KCNIP4: variants seen among roughly 807,000 people sequenced by gnomAD.
KCNIP4 encodes Kv channel-interacting protein 4.
Under a neutral mutation model 34.0 loss-of-function variants are expected in KCNIP4, and 12 were observed. The observed-to-expected ratio is 0.35, with a 90% CI of 0.23 to 0.57. The LOEUF (loss-of-function observed/expected upper bound fraction) is 0.57. Ranked by LOEUF, KCNIP4 falls within the 20% of genes least tolerant of loss-of-function variation. The probability of loss-of-function intolerance (pLI) is 0.83; values close to 1 mark genes in which losing one functional copy is unlikely to be tolerated. For synonymous variants in KCNIP4, 124 were observed against 102.2 expected (o/e 1.21, Z -1.29); for missense variants, 238 against 311.7 (o/e 0.76, Z 1.78).
At chr4:20,926,751 G>A (rs1447593685) in intron 1 of KCNIP4, among the ~76,000 whole-genome samples, 3 of 152,116 alleles carry the variant, frequency 2.0e-5, no homozygotes, top group Non-Finnish European at 4.4e-5. Context: ...CCAACATACT[G>A]AACTGCCTGG....
chr4:21,679,325 C>A (rs1750159357), intron 1 of KCNIP4, among the ~76,000 whole-genome samples: 1 of 152,148 alleles, frequency 6.6e-6, no homozygotes, highest in South Asian at 2.1e-4. Context: ...TTATCTGACT[C>A]CCCACTACAT....
rs190950019 is a variant in KCNIP4, at chr4:21,417,317, G to A, written c.61+531254C>T. 4.2e-3 allele frequency among the ~76,000 whole-genome samples: 636 copies of A among 152,026 alleles called. 8 individuals are homozygous for A. The highest frequency in any genetic ancestry group is 0.015 in the African/African-American group (614 of 41,472). On this transcript the variant is annotated intron_variant, in intron 1 of 8. Transcript: ENST00000382152. ...TGTCTGTTTGTCTGTGAGTTAGTGT[G>A]TCTGTGTGCTTAGTGGGTCCAGGGA...
Position 20,830,414 on chromosome 4 carries a change from C to T in KCNIP4, c.288+20129G>A, listed in dbSNP as rs144419990. On this transcript the variant is annotated intron_variant, in intron 3 of 8. Transcript: ENST00000382152. ...GCTGAAAATTCCCTTGGTTGAGGGCCAAGATCTTTTGATTCATTTTTCTCT... is the reference window on the plus strand; with the variant it reads ...GCTGAAAATTCCCTTGGTTGAGGGCTAAGATCTTTTGATTCATTTTTCTCT... Among the ~76,000 whole-genome samples, 446 of 152,218 alleles carry T rather than the reference C, an allele frequency of 2.9e-3. 2 individuals carry two copies. The highest frequency in any genetic ancestry group is 0.01 in the African/African-American group (417 of 41,532).
chr4:21,832,565 T>C (rs1723053652), intron 1 of KCNIP4, among the ~76,000 whole-genome samples: 1 of 103,990 alleles, frequency 9.6e-6, no homozygotes, highest in Non-Finnish European at 1.9e-5. Flanking sequence ...TTAAATTCTT[T>C]TTTGTTTTTA....
intron 1 of KCNIP4, 29 bp downstream of exon 1, chr4:21,948,542 C>A (rs773867569): frequency 9.4e-6 from 15 of 1,603,350 alleles, no homozygotes; most frequent in Middle Eastern, 1.7e-4. Context: ...CGGAAGCGGG[C>A]GCCCGCTCGC....
intron 1 of KCNIP4, among the ~76,000 whole-genome samples, chr4:21,811,578 G>A (rs185982617): frequency 1.3e-5 from 2 of 152,280 alleles, no homozygotes; most frequent in African/African-American, 2.4e-5. Flanking sequence ...GTTGTGATGG[G>A]AGCTACTCAT....
intron 1 of KCNIP4, among the ~76,000 whole-genome samples, chr4:21,918,244 A>AT (rs1205720802): frequency 1.3e-5 from 2 of 152,216 alleles, no homozygotes; most frequent in Non-Finnish European, 2.9e-5. Flanking sequence ...CATAACTGTG[A>AT]TAAAAACAGG....
At chr4:21,268,323 AG>A (rs10712337) in intron 1 of KCNIP4, among the ~76,000 whole-genome samples, 38,941 of 152,030 alleles carry the variant, frequency 0.26, 5,164 homozygotes, top group South Asian at 0.35. Flanking sequence ...GCACATAAAC[AG>A]GTTTTACTGA....
intron 1 of KCNIP4, among the ~76,000 whole-genome samples, chr4:21,449,976 C>T (rs563246956): frequency 1.3e-3 from 200 of 152,120 alleles, no homozygotes; most frequent in African/African-American, 4.6e-3. Context: ...CTCATTAGCC[C>T]CAGGATCTGT....
Position 21,589,191 on chromosome 4 carries a change from T to TGTAC in KCNIP4, c.61+359379_61+359380insGTAC, listed in dbSNP as rs1741928208. On this transcript the variant is annotated intron_variant, in intron 1 of 8. Transcript: ENST00000382152. ...ATATATATATATATATATATATATA[T>TGTAC]ATATATATATGTGTACATATATAAG... Among the ~76,000 whole-genome samples the TGTAC allele has an allele frequency of 7.5e-5, 4 of 53,646 alleles. No homozygotes were observed. The East Asian group carries it at 4.6e-3, about 62-fold the overall frequency. The allele number at this position is 53,646 out of a possible 152,430, so 35.2% of individuals were successfully genotyped here.
chr4:21,398,987 CA>C (rs1723241028), intron 1 of KCNIP4, among the ~76,000 whole-genome samples: 1 of 152,198 alleles, frequency 6.6e-6, no homozygotes, highest in South Asian at 2.1e-4. Flanking sequence ...TCATCTCTTT[CA>C]AAATCTGTTT....
intron 3 of KCNIP4, among the ~76,000 whole-genome samples, chr4:20,833,498 A>C (rs1322589264): frequency 3.3e-5 from 5 of 151,938 alleles, no homozygotes; most frequent in Non-Finnish European, 7.4e-5. Flanking sequence ...AATAATAATA[A>C]TAATAATACT....
chr4:20,946,285 A>G (rs1411525479), intron 1 of KCNIP4, among the ~76,000 whole-genome samples: 1 of 152,176 alleles, frequency 6.6e-6, no homozygotes, highest in Non-Finnish European at 1.5e-5. Context: ...TGGAAATTCA[A>G]ATGAAACCTT....
chr4:21,481,890 A>G (rs1020048127), intron 1 of KCNIP4, among the ~76,000 whole-genome samples: 2 of 152,170 alleles, frequency 1.3e-5, no homozygotes, highest in Admixed American at 1.3e-4. Flanking sequence ...GGCTAAATCT[A>G]AAAGTCACAC....
At chr4:21,757,080 A>G (rs1027432370) in intron 1 of KCNIP4, among the ~76,000 whole-genome samples, 5 of 148,370 alleles carry the variant, frequency 3.4e-5, no homozygotes, top group Admixed American at 6.9e-5. Context: ...CAGCCTGAGC[A>G]ACAGAGTCCT....
At chr4:21,027,931 A>T (rs1740691512) in intron 1 of KCNIP4, among the ~76,000 whole-genome samples, 1 of 152,184 alleles carries the variant, frequency 6.6e-6, no homozygotes. Flanking sequence ...AATTCCAGAC[A>T]AATAATTAAT....
chr4:21,447,241 C>T (rs1012677190), intron 1 of KCNIP4, among the ~76,000 whole-genome samples: 4 of 152,010 alleles, frequency 2.6e-5, no homozygotes, highest in African/African-American at 9.7e-5. Context: ...CAGAAAGAGA[C>T]TTGAAGATGC....
At chr4:20,734,113 C>T (rs776856190) in intron 6 of KCNIP4, among the ~76,000 whole-genome samples, 1 of 152,176 alleles carries the variant, frequency 6.6e-6, no homozygotes, top group Non-Finnish European at 1.5e-5. Context: ...TTCTTTACTT[C>T]TCGCTGTGTT....
At chr4:21,024,130 T>C (rs982637042) in intron 1 of KCNIP4, among the ~76,000 whole-genome samples, 1 of 152,218 alleles carries the variant, frequency 6.6e-6, no homozygotes, top group Non-Finnish European at 1.5e-5. Flanking sequence ...TTTTAATTCA[T>C]TTATTTTACT....
Sources: gnomAD v4.1 joint callset for allele counts (sites outside exome capture counted in the v4.1 genomes callset) on GRCh38, gnomAD v4.1.1 for gene constraint, MANE v1.5 for transcripts, NCBI Gene and HGNC (gene_info 2026-07-23, HGNC 2026-07-21) for gene names.